Variants in RBFOX1 observed in about 807,000 individuals in gnomAD.
RBFOX1 encodes RNA binding protein fox-1 homolog 1.
In RBFOX1, 8 loss-of-function variants were observed where a neutral mutation model predicts 57.7. The ratio of observed to expected loss-of-function variants is 0.14; its 90% confidence interval spans 0.08 to 0.25. The LOEUF is 0.25. Among genes scored for constraint, RBFOX1 ranks in the 10% least tolerant of loss-of-function variants. The pLI, the probability that RBFOX1 is intolerant of heterozygous loss-of-function variation, is 1.00. For synonymous variants in RBFOX1, 326 were observed against 222.4 expected (o/e 1.47, Z -4.15); for missense variants, 611 against 548.5 (o/e 1.11, Z -1.14).
chr16:5,285,750 A>C (rs919445554), intron 1 of RBFOX1, among the ~76,000 whole-genome samples: 6 of 152,122 alleles, frequency 3.9e-5, no homozygotes, highest in Admixed American at 3.9e-4. Flanking sequence ...TGAGTTATTC[A>C]GTGGCTTAGA....
At chr16:5,356,947 C>T (rs1045382469) in intron 1 of RBFOX1, among the ~76,000 whole-genome samples, 3 of 152,184 alleles carry the variant, frequency 2.0e-5, no homozygotes, top group African/African-American at 7.2e-5. Context: ...TACATCGTTT[C>T]GTTGAAGCCT....
chr16:6,454,617 G>A (rs191932513), intron 2 of RBFOX1, among the ~76,000 whole-genome samples: 119 of 152,176 alleles, frequency 7.8e-4, no homozygotes, highest in Non-Finnish European at 1.3e-3. Context: ...ATAAATGTCC[G>A]TGTTATTTAC....
intron 14 of RBFOX1, among the ~76,000 whole-genome samples, chr16:7,702,933 C>T (rs374125166): frequency 6.6e-5 from 10 of 152,320 alleles, no homozygotes; most frequent in South Asian, 4.1e-4. Context: ...ATCACTTCTT[C>T]CTGGGTGCAG....
intron 2 of RBFOX1, among the ~76,000 whole-genome samples, chr16:5,505,078 CT>C (rs35267432): frequency 0.41 from 63,091 of 152,052 alleles, 17,503 homozygotes; most frequent in African/African-American, 0.79. Flanking sequence ...CCAAACACCA[CT>C]TGAGATGGGC....
At chr16:7,160,237 T>C (rs550337430) in intron 4 of RBFOX1, among the ~76,000 whole-genome samples, 1 of 152,118 alleles carries the variant, frequency 6.6e-6, no homozygotes, top group Non-Finnish European at 1.5e-5. Flanking sequence ...TTTATGACTA[T>C]GTGCTTTAGA....
At chr16:6,046,389 T>G (rs2095495633) in intron 1 of RBFOX1, among the ~76,000 whole-genome samples, 1 of 152,132 alleles carries the variant, frequency 6.6e-6, no homozygotes, top group Non-Finnish European at 1.5e-5. Context: ...AAGATCTAAT[T>G]TGTAGGGTTT....
At chr16:5,873,878 G>C (rs556016576) in intron 4 of RBFOX1, among the ~76,000 whole-genome samples, 9 of 152,208 alleles carry the variant, frequency 5.9e-5, no homozygotes, top group South Asian at 2.1e-4. Flanking sequence ...GATTAGGTTA[G>C]GTTGTCATCA....
At chr16:6,656,469 G>A (rs112864738) in intron 3 of RBFOX1, among the ~76,000 whole-genome samples, 1 of 151,970 alleles carries the variant, frequency 6.6e-6, no homozygotes, top group Non-Finnish European at 1.5e-5. Flanking sequence ...ACTGCCTTTG[G>A]TTAAGACATC....
intron 3 of RBFOX1, among the ~76,000 whole-genome samples, chr16:6,844,968 C>T (rs1359530636): frequency 2.0e-5 from 3 of 151,976 alleles, no homozygotes; most frequent in Non-Finnish European, 2.9e-5. Flanking sequence ...GTTTGTTGGC[C>T]GCATGTATGT....
At chr16:6,007,243 C>G (rs2094932963) in intron 4 of RBFOX1, among the ~76,000 whole-genome samples, 1 of 152,150 alleles carries the variant, frequency 6.6e-6, no homozygotes, top group Admixed American at 6.5e-5. Flanking sequence ...ATATCACTTC[C>G]AAGACTGAGT....
intron 2 of RBFOX1, among the ~76,000 whole-genome samples, chr16:6,355,396 G>T (rs2087122963): frequency 6.6e-6 from 1 of 151,842 alleles, no homozygotes; most frequent in South Asian, 2.1e-4. Context: ...TTGGCTTTCT[G>T]TTGTTGTGAT....
chr16:6,992,781 G>A (rs994419887), intron 3 of RBFOX1, among the ~76,000 whole-genome samples: 3 of 142,594 alleles, frequency 2.1e-5, no homozygotes, highest in African/African-American at 7.9e-5. Context: ...TAGAGTTTTT[G>A]TGTATCATGA....
At chr16:7,236,300 T>C (rs62017367) in intron 4 of RBFOX1, among the ~76,000 whole-genome samples, 195 of 152,352 alleles carry the variant, frequency 1.3e-3, no homozygotes, top group Non-Finnish European at 2.3e-3. Context: ...TAACACCATA[T>C]TGTTTCAGCT....
chr16:7,202,328 C>T lies in RBFOX1; in HGVS notation c.27+150230C>T, dbSNP rs543191348. On this transcript the variant is annotated intron_variant, in intron 4 of 15. Transcript: ENST00000550418. ...AAAAAAAAAAAAGAAGCACAGAAAA[C>T]ACGTGTTGATAAGGATGTGGAAAAA... is the stretch of plus-strand genomic sequence containing the variant. 2.7e-3 allele frequency among the ~76,000 whole-genome samples: 393 copies of T among 146,298 alleles called. 2 individuals are homozygous for T. Among genetic ancestry groups the T allele is most frequent in the Non-Finnish European group, 4.2e-3 (278 of 66,844 alleles).
At chr16:7,158,659 C>T (rs183293022) in intron 4 of RBFOX1, among the ~76,000 whole-genome samples, 5 of 149,900 alleles carry the variant, frequency 3.3e-5, no homozygotes, top group East Asian at 2.0e-4. Context: ...GTCTATGGTG[C>T]GTGCACGCAC....
chr16:7,412,701 C>G (rs775799249), intron 4 of RBFOX1, among the ~76,000 whole-genome samples: 50 of 152,196 alleles, frequency 3.3e-4, no homozygotes, highest in Non-Finnish European at 6.5e-4. Flanking sequence ...ACAGCATAAA[C>G]AAATTTGTAT....
At chr16:6,379,335 A>G (rs1347028482) in intron 2 of RBFOX1, among the ~76,000 whole-genome samples, 1 of 152,104 alleles carries the variant, frequency 6.6e-6, no homozygotes, top group African/African-American at 2.4e-5. Flanking sequence ...CAAAATTAGG[A>G]TGGCCACACA....
chr16:7,007,009 A>G (rs570632940), intron 3 of RBFOX1, among the ~76,000 whole-genome samples: 1 of 152,156 alleles, frequency 6.6e-6, no homozygotes, highest in Non-Finnish European at 1.5e-5. Context: ...ACAAATACAT[A>G]TGATCTCACG....
intron 3 of RBFOX1, chr16:6,773,698 TG>T (rs2078842521): frequency 7.2e-6 from 1 of 139,210 alleles, no homozygotes; most frequent in Non-Finnish European, 1.5e-5. Context: ...TGTGTGGGCA[TG>T]GGGTGCATTT....
Sources: gnomAD v4.1 joint callset for allele counts (sites outside exome capture counted in the v4.1 genomes callset) on GRCh38, gnomAD v4.1.1 for gene constraint, MANE v1.5 for transcripts, NCBI Gene and HGNC (gene_info 2026-07-23, HGNC 2026-07-21) for gene names.